The following MYH3 variants were observed in gnomAD, a reference collection of about 807,000 sequenced individuals.
MYH3 encodes myosin-3.
MYH3 carries 130 observed loss-of-function variants against 238.0 expected under a neutral mutation model. The observed-to-expected ratio is 0.55, with a 90% CI of 0.47 to 0.63. The LOEUF is 0.63. MYH3 is among the 30% of genes least tolerant of loss of function. The pLI is 0.00. For synonymous variants in MYH3, 880 were observed against 924.1 expected (o/e 0.95, Z 0.86); for missense variants, 1,853 against 2,374.9 (o/e 0.78, Z 4.57).
At chr17:10,678,336 ACAT>A in the MYH3 span, 1 of 152,180 alleles carries the variant, frequency 6.6e-6, no homozygotes, top group South Asian at 2.1e-4. Context: ...ATAAACAGGA[ACAT>A]CTGGAAGACG....
chr17:10,650,886 C>A (rs1285132082), intron 5 of MYH3, among the ~76,000 whole-genome samples: 1 of 152,084 alleles, frequency 6.6e-6, no homozygotes, highest in Non-Finnish European at 1.5e-5. Context: ...GGCAAGTCTC[C>A]ACTCAGAATC....
chr17:10,665,433 G>GA, the MYH3 span, among the ~76,000 whole-genome samples: 1 of 152,120 alleles, frequency 6.6e-6, no homozygotes, highest in Non-Finnish European at 1.5e-5. Flanking sequence ...GTGAGCCACC[G>GA]AACCCAGACT....
At chr17:10,668,674 G>A in the MYH3 span, among the ~76,000 whole-genome samples, 1 of 152,202 alleles carries the variant, frequency 6.6e-6, no homozygotes, top group African/African-American at 2.4e-5. Flanking sequence ...GCAGGACACT[G>A]TTGCTTACTT....
At chr17:10,633,453 G>T in intron 33 of MYH3, 138 bp downstream of exon 33, 1 of 1,034,430 alleles carries the variant, frequency 9.7e-7, no homozygotes. Flanking sequence ...CAGTTTTGCT[G>T]TGTGACGGGA....
the MYH3 span, among the ~76,000 whole-genome samples, chr17:10,665,155 A>T: frequency 2.0e-5 from 3 of 149,556 alleles, no homozygotes; most frequent in African/African-American, 7.4e-5. Context: ...TTATTTTTTT[A>T]TTTTTGAGAT....
rs1002311188 is a variant in MYH3, at chr17:10,650,429, T to C, written c.506-28A>G. On this transcript the variant is annotated intron_variant, in intron 5 of 40. Transcript: ENST00000583535. ...GCCAGAGGAAAAAATAAAATAGAGT[T>C]GATGGCAATAGAAAAAGAGCTTCCC... 8 of 1,604,096 alleles carry C rather than the reference T, an allele frequency of 5.0e-6. No homozygotes were observed. In the African/African-American group the frequency reaches 6.7e-5, roughly 13 times the overall value.
intron 14 of MYH3, among the ~76,000 whole-genome samples, chr17:10,643,342 C>T (rs901668149): frequency 1.3e-5 from 2 of 152,030 alleles, no homozygotes; most frequent in Non-Finnish European, 2.9e-5. Flanking sequence ...CCTGGGAAAC[C>T]TAAATATACA....
chr17:10,649,150 A>T (rs1169514220), intron 7 of MYH3, among the ~76,000 whole-genome samples: 1 of 152,216 alleles, frequency 6.6e-6, no homozygotes. Flanking sequence ...TTGGCACTAC[A>T]GTTGGGGATC....
upstream of MYH3, among the ~76,000 whole-genome samples, chr17:10,661,113 A>T (rs1353550133): frequency 6.6e-6 from 1 of 151,604 alleles, no homozygotes; most frequent in African/African-American, 2.4e-5. Flanking sequence ...AGTAGCTGGG[A>T]CTACAGGCAT....
In MYH3 at chr17:10,646,019, A is replaced by C. The variant is rs1421268946; in HGVS notation, c.912T>G (p.Ile304Met). ...ACGGGTAGTCGTAAGGGTTGGTCGT[A>C]ATAAGCAGCAGCTCTGAAATGACAA... ...KKPELIELLLITTNPYDYPFI... is the reference protein window; with the variant it reads ...KKPELIELLLMTTNPYDYPFI... Residue 304 changes from isoleucine (I) to methionine (M), a missense_variant, in exon 11 of 41, where the codon ATT becomes ATG. Around this residue, in one of 3 missense-constraint regions of MYH3, gnomAD observed 678 missense variants for 1,058.9 expected, o/e 0.64. Coordinates refer to ENST00000583535, the MANE Select transcript of MYH3 (RefSeq NM_002470.4). The C allele has an allele frequency of 6.2e-7, 1 of 1,613,772 alleles. No homozygotes were observed. The highest frequency in any genetic ancestry group is 1.1e-5 in the South Asian group (1 of 91,064).
rs564115102 is a variant in MYH3 at position 10,651,869 on chromosome 17, G to A, written c.349-201C>T. The A allele has an allele frequency of 2.2e-3, 1,478 of 663,788 alleles. 3 individuals carry two copies. The highest frequency in any genetic ancestry group is 3.2e-3 in the Non-Finnish European group (1,356 of 421,826). 41.1% of individuals were successfully genotyped at this position (663,788 alleles called of 1,614,324 possible). On this transcript the variant is annotated intron_variant, in intron 4 of 40. Coordinates refer to ENST00000583535, the MANE Select transcript of MYH3 (RefSeq NM_002470.4). ...AGCAATTCTCCTGCCTCAGCCTCCCGAGTAGCTGGGACTACAGGTACATGC... is the reference window on the plus strand; with the variant it reads ...AGCAATTCTCCTGCCTCAGCCTCCCAAGTAGCTGGGACTACAGGTACATGC...
intron 14 of MYH3, 94 bp downstream of exon 14, chr17:10,644,257 G>C: frequency 1.5e-6 from 2 of 1,364,206 alleles, no homozygotes; most frequent in Non-Finnish European, 2.1e-6. Context: ...AGGAAACTAA[G>C]ACAGCCGCCA....
At chr17:10,640,493 G>A (rs750684827) in intron 20 of MYH3, 24 bp from the exon 21 acceptor site, 4 of 1,614,256 alleles carry the variant, frequency 2.5e-6, no homozygotes, top group Non-Finnish European at 3.4e-6. Flanking sequence ...AGGGTGACAT[G>A]AGTCAGTTTC....
the MYH3 span, among the ~76,000 whole-genome samples, chr17:10,664,572 T>TG: frequency 6.6e-6 from 1 of 151,880 alleles, no homozygotes; most frequent in Non-Finnish European, 1.5e-5. Flanking sequence ...AAGGGAGAGC[T>TG]GGTGCTGAAA....
At position 10,631,622 on chromosome 17, in the gene MYH3, C is replaced by T. The variant is rs765337329; in HGVS notation, c.5275G>A (p.Ala1759Thr). 2 of 1,614,136 alleles carry T rather than the reference C, an allele frequency of 1.2e-6. No homozygotes were observed. Among genetic ancestry groups the T allele is most frequent in the Non-Finnish European group, 1.7e-6 (2 of 1,180,026 alleles). Residue 1759 changes from alanine (A) to threonine (T), a missense_variant, in exon 36 of 41, where the codon GCC becomes ACC. Ala to Thr is a moderately conservative substitution (Grantham distance 58). This residue lies in a region of MYH3 where 1,044 missense variants were observed against 1,192.6 expected (regional missense o/e 0.88). Coordinates refer to ENST00000583535, the MANE Select transcript of MYH3 (RefSeq NM_002470.4). The stretch of plus-strand genomic sequence containing the variant: ...AGGAGACGCCTTACGTCCGTGATGG[C>T]CTTCTTGGCCTTCTCCTCAGCGTTC... The part of the protein sequence containing the change: ...ARNAEEKAKK[A>T]ITDAAMMAEE...
At position 10,639,965 on chromosome 17, in the gene MYH3, A is replaced by T. The variant is rs773968292; in HGVS notation, c.2682+31T>A. The T allele has an allele frequency of 1.8e-4, 7 of 38,636 alleles. No individual in the cohort carries two copies. Among genetic ancestry groups the T allele is most frequent in the African/African-American group, 3.1e-4 (6 of 19,134 alleles). The allele number at this position is 38,636 out of a possible 1,614,324, so 2.4% of individuals were successfully genotyped here. On this transcript the variant is annotated intron_variant, in intron 22 of 40. Transcript: ENST00000583535. ...ATAAATAATCAAATCTAGAAGAGTT[A>T]AAAAAAAAAAAAAGATTGCTAAACA...
the MYH3 span, among the ~76,000 whole-genome samples, chr17:10,670,901 G>A: frequency 2.0e-5 from 3 of 151,896 alleles, no homozygotes; most frequent in South Asian, 4.2e-4. The surrounding 1 kb of genome is among the most constrained non-coding windows in gnomAD (Gnocchi z 7.0). Flanking sequence ...TTGTCTGCTT[G>A]TTTTTTGAGA....
At chr17:10,638,550 T>C (rs1054074584) in intron 26 of MYH3, 118 bp from the exon 27 acceptor site, 105 of 1,344,052 alleles carry the variant, frequency 7.8e-5, no homozygotes, top group Non-Finnish European at 7.0e-5. Context: ...TCCCCTCCAA[T>C]GAATACTGCA....
rs2074116384 is a variant in MYH3 at position 10,628,580 on chromosome 17, T to TTAAG, written c.*69_*72dup. 6.6e-7 allele frequency: 1 copy of TTAAG among 1,509,824 alleles called. No homozygotes were observed. The highest frequency in any genetic ancestry group is 9.2e-7 in the Non-Finnish European group (1 of 1,085,190). 93.5% of individuals were successfully genotyped at this position (1,509,824 alleles called of 1,614,324 possible). A position where few individuals can be genotyped will look rare whatever the true frequency, so the allele number is the denominator to read the frequency against. On this transcript the variant is annotated 3_prime_UTR_variant, in exon 41 of 41. Transcript: ENST00000583535. ...CATGTGAAAAAGAGTCACATGGACATTAAGTATCAATGGTCAGGAATCAAG... is the reference window on the plus strand; with the variant it reads ...CATGTGAAAAAGAGTCACATGGACATTAAGTAAGTATCAATGGTCAGGAATCAAG...
Sources: allele counts gnomAD v4.1 joint callset (sites outside exome capture counted in the v4.1 genomes callset), GRCh38; gene constraint gnomAD v4.1.1; regional missense constraint gnomAD v4.1.1; non-coding constraint Gnocchi (gnomAD v3.1); transcripts MANE v1.5; gene names NCBI Gene and HGNC (gene_info 2026-07-23, HGNC 2026-07-21).